Variants in SLIT1 observed in about 807,000 individuals in gnomAD.
The protein encoded by SLIT1 is slit guidance ligand 1, also known as slit homolog 1 protein.
A neutral mutation model predicts 186.1 loss-of-function variants in SLIT1; 66 were observed. The ratio of observed to expected loss-of-function variants is 0.35; its 90% confidence interval spans 0.29 to 0.44. The LOEUF (loss-of-function observed/expected upper bound fraction) is 0.44, where lower values mean the gene tolerates loss of function less well. Among genes scored for constraint, SLIT1 ranks in the 20% least tolerant of loss-of-function variants. The pLI, the probability that SLIT1 is intolerant of heterozygous loss-of-function variation, is 1.00. For synonymous variants in SLIT1, 761 were observed against 833.8 expected, an observed-to-expected ratio of 0.91 and a Z score of 1.50; for missense variants, 1,638 against 2,037.4, an observed-to-expected ratio of 0.80 and a Z score of 3.77.
intron 4 of SLIT1, among the ~76,000 whole-genome samples, chr10:97,122,536 CA>C (rs1849568564): frequency 1.3e-5 from 2 of 152,214 alleles, no homozygotes; most frequent in Non-Finnish European, 2.9e-5. Context: ...GGATGACAGA[CA>C]TGGCCTGGAT....
In SLIT1 at chr10:97,157,798, G is replaced by A. The variant is rs748701162; in HGVS notation, c.413+20C>T. The A allele has an allele frequency of 1.9e-6, 3 of 1,598,442 alleles. No homozygotes were observed. The highest frequency in any genetic ancestry group is 1.7e-5 in the Admixed American group (1 of 59,996). On this transcript the variant is annotated intron_variant, in intron 4 of 36. Coordinates refer to ENST00000266058, the MANE Select transcript of SLIT1 (RefSeq NM_003061.3). ...GACAAAACCACAGGGAGAACTCTCTGGCCACAGAGCGTCACTCACAGTCTT... is the reference window on the plus strand; with the variant it reads ...GACAAAACCACAGGGAGAACTCTCTAGCCACAGAGCGTCACTCACAGTCTT...
chr10:97,145,164 CAG>C (rs1431302496), intron 4 of SLIT1, among the ~76,000 whole-genome samples: 1 of 152,144 alleles, frequency 6.6e-6, no homozygotes, highest in African/African-American at 2.4e-5. Context: ...TATTTTGAGA[CAG>C]AGTCTCACTC....
At chr10:97,124,036 A>T (rs1166378846) in intron 4 of SLIT1, among the ~76,000 whole-genome samples, 2 of 152,164 alleles carry the variant, frequency 1.3e-5, no homozygotes, top group Non-Finnish European at 2.9e-5. Flanking sequence ...GGCTCAGGGG[A>T]TGAGTGAAAA....
Position 97,003,381 on chromosome 10 carries a change from T to G in SLIT1, c.3866-389A>C, listed in dbSNP as rs369389774. ...CCGAGACATCACGTGTGGCGCTAGG[T>G]CACTGCTTTTGTGGCTGTCCCTTCT... On this transcript the variant is annotated intron_variant, in intron 34 of 36. Coordinates refer to ENST00000266058, the MANE Select transcript of SLIT1 (RefSeq NM_003061.3). Among the ~76,000 whole-genome samples, 70 of 152,336 alleles carry G rather than the reference T, an allele frequency of 4.6e-4. No homozygotes were observed. In the South Asian group the frequency reaches 0.014, roughly 31 times the overall value.
chr10:97,105,982 G>A (rs994515791), intron 4 of SLIT1, among the ~76,000 whole-genome samples: 1 of 152,210 alleles, frequency 6.6e-6, no homozygotes, highest in African/African-American at 2.4e-5. Context: ...TCCCGCAGAT[G>A]GTACCCATGG....
At position 97,018,585 on chromosome 10, in the gene SLIT1, C is replaced by A; in HGVS notation, c.2969+1G>T. ...GGCTCCTGCCCCTCCAGGTAACTCA[C>A]GTGAACGGGGCATCCTCGCCCTCCT... On this transcript the variant is annotated splice_donor_variant, in intron 28 of 36. Transcript: ENST00000266058. LOFTEE classifies it high-confidence loss of function. 2 of 1,568,600 alleles carry A rather than the reference C, an allele frequency of 1.3e-6. No homozygotes were observed. The highest frequency in any genetic ancestry group is 1.2e-5 in the South Asian group (1 of 85,342).
Position 97,184,536 on chromosome 10 carries a change from C to T in SLIT1, c.197+942G>A, listed in dbSNP as rs1269242004. Among the ~76,000 whole-genome samples, 1 of 151,960 alleles carries T rather than the reference C, an allele frequency of 6.6e-6. No individual in the cohort carries two copies. Among genetic ancestry groups the T allele is most frequent in the Non-Finnish European group, 1.5e-5 (1 of 67,994 alleles). On this transcript the variant is annotated intron_variant, in intron 1 of 36. Coordinates refer to ENST00000266058, the MANE Select transcript of SLIT1 (RefSeq NM_003061.3). This position sits in a 1 kb window ranked among gnomAD's most constrained non-coding sequence, Gnocchi z 4.4. The stretch of plus-strand genomic sequence containing the variant: ...AGAAACACATTCTGCAGGAGAGTCA[C>T]AGAAAACAAAGTATAAAGGTCTGTA...
chr10:97,041,685 T>C (rs1050710237), intron 20 of SLIT1, among the ~76,000 whole-genome samples: 2 of 152,150 alleles, frequency 1.3e-5, no homozygotes, highest in Non-Finnish European at 2.9e-5. Context: ...TTGGCCAGGC[T>C]GGTCTTGAAC....
chr10:97,126,529 T>A (rs1201585862), intron 4 of SLIT1, among the ~76,000 whole-genome samples: 5 of 152,154 alleles, frequency 3.3e-5, no homozygotes, highest in Non-Finnish European at 5.9e-5. Context: ...CACTGATACA[T>A]TTTACCTGAT....
chr10:97,061,939 C>G (rs1329296555), intron 8 of SLIT1, among the ~76,000 whole-genome samples: 1 of 152,140 alleles, frequency 6.6e-6, no homozygotes, highest in Non-Finnish European at 1.5e-5. Context: ...CCAAATGAGA[C>G]AAAGCTACAT....
intron 4 of SLIT1, among the ~76,000 whole-genome samples, chr10:97,135,831 C>T (rs1849697955): frequency 6.6e-6 from 1 of 152,210 alleles, no homozygotes; most frequent in Non-Finnish European, 1.5e-5. Flanking sequence ...AAAACCACTT[C>T]TCTTGGGCAT....
intron 4 of SLIT1, among the ~76,000 whole-genome samples, chr10:97,112,938 C>T (rs1308673269): frequency 6.6e-6 from 1 of 152,206 alleles, no homozygotes; most frequent in Non-Finnish European, 1.5e-5. Context: ...AAGCAATCCT[C>T]CCACCTCGGC....
Position 97,021,217 on chromosome 10 carries a change from C to G in SLIT1, c.2746+33G>C. On this transcript the variant is annotated intron_variant, in intron 26 of 36. Coordinates refer to ENST00000266058, the MANE Select transcript of SLIT1 (RefSeq NM_003061.3). This position sits in a 1 kb window ranked among gnomAD's most constrained non-coding sequence, Gnocchi z 4.5. ...CAGTGTTGGGCAAGTTCTGTGAGCC[C>G]CCAGCAGCAGGAGGCTGTGCTCCTA... is the stretch of plus-strand genomic sequence containing the variant. The G allele has an allele frequency of 6.2e-7, 1 of 1,600,732 alleles. No homozygotes were observed. The highest frequency in any genetic ancestry group is 1.1e-5 in the South Asian group (1 of 88,480).
intron 32 of SLIT1, among the ~76,000 whole-genome samples, chr10:97,005,338 T>C (rs1848350762): frequency 6.6e-6 from 1 of 152,238 alleles, no homozygotes; most frequent in South Asian, 2.1e-4. Flanking sequence ...GTGAGATCTT[T>C]GCCTCAGGAG....
chr10:97,038,245 C>G (rs544367836), intron 21 of SLIT1, among the ~76,000 whole-genome samples: 1 of 152,298 alleles, frequency 6.6e-6, no homozygotes, highest in East Asian at 1.9e-4. Context: ...CTCTGCCTTC[C>G]TGCCTTCCAG....
At chr10:97,047,857 G>A in intron 15 of SLIT1, 23 bp from the exon 16 acceptor site, 2 of 1,613,476 alleles carry the variant, frequency 1.2e-6, no homozygotes, top group Non-Finnish European at 1.7e-6. Context: ...GGTGGGGGCA[G>A]AGGCTGAGGA....
intron 29 of SLIT1, 72 bp from the exon 30 acceptor site, chr10:97,013,906 G>T: frequency 6.5e-7 from 1 of 1,545,982 alleles, no homozygotes. Context: ...CAGACCCACA[G>T]AAATCCTCCT....
At chr10:97,154,674 T>G (rs556147644) in intron 4 of SLIT1, 24 of 152,340 alleles carry the variant, frequency 1.6e-4, no homozygotes, top group African/African-American at 3.6e-4. Context: ...CGAAAGCAGC[T>G]GGCCTGGGAC....
chr10:97,106,391 T>TGAAA (rs1271800548), intron 4 of SLIT1, among the ~76,000 whole-genome samples: 2 of 137,086 alleles, frequency 1.5e-5, no homozygotes, highest in African/African-American at 6.0e-5. Flanking sequence ...ACAGAGAGAA[T>TGAAA]GAATGAATGA....
Sources: allele counts gnomAD v4.1 joint callset (sites outside exome capture counted in the v4.1 genomes callset), GRCh38; gene constraint gnomAD v4.1.1; non-coding constraint Gnocchi (gnomAD v3.1); transcripts MANE v1.5; gene names NCBI Gene and HGNC (gene_info 2026-07-23, HGNC 2026-07-21).